Variants in ZNF407 observed in about 807,000 individuals in gnomAD.
ZNF407 encodes the protein zinc finger protein 407.
Under a neutral mutation model 131.2 loss-of-function variants are expected in ZNF407, and 17 were observed. The ratio of observed to expected loss-of-function variants is 0.13; its 90% confidence interval spans 0.09 to 0.19. The LOEUF (loss-of-function observed/expected upper bound fraction) is 0.19, where lower values mean the gene tolerates loss of function less well. ZNF407 is among the 10% of genes least tolerant of loss of function. The pLI is 1.00. For missense variants in ZNF407, 2,681 were observed against 2,830.6 expected, an observed-to-expected ratio of 0.95 and a Z score of 1.20; for synonymous variants, 1,156 against 1,062.0, an observed-to-expected ratio of 1.09 and a Z score of -1.72.
intron 4 of ZNF407, among the ~76,000 whole-genome samples, chr18:74,817,661 ATC>A (rs1970285963): frequency 1.3e-5 from 2 of 152,204 alleles, no homozygotes; most frequent in Non-Finnish European, 2.9e-5. Context: ...ATAAATGAGT[ATC>A]TATTTTTGCA....
intron 4 of ZNF407, among the ~76,000 whole-genome samples, chr18:74,825,887 A>G (rs1269091404): frequency 2.0e-5 from 3 of 152,342 alleles, no homozygotes; most frequent in East Asian, 3.9e-4. Context: ...TGTCACAGGA[A>G]CCCAGTATGG....
rs781679032 is a variant in ZNF407, at chr18:74,626,576, C to T, written c.-53-4391C>T. ...CAGTTCCGTTCATTTGGTAGGTGCT[C>T]AGTACATATTTGTTGAACTAAGAAT... On this transcript the variant is annotated intron_variant, in intron 1 of 8. Transcript: ENST00000299687. Among the ~76,000 whole-genome samples the T allele has an allele frequency of 5.9e-5, 9 of 152,200 alleles. No individual in the cohort carries two copies. The South Asian group carries it at 1.9e-3, about 32-fold the overall frequency.
intron 3 of ZNF407, among the ~76,000 whole-genome samples, chr18:74,665,474 A>C (rs1425574979): frequency 6.6e-6 from 1 of 152,154 alleles, no homozygotes; most frequent in Non-Finnish European, 1.5e-5. Flanking sequence ...GTCCCATACA[A>C]TACTTTGGAT....
intron 3 of ZNF407, among the ~76,000 whole-genome samples, chr18:74,711,448 A>C (rs1236075850): frequency 6.6e-6 from 1 of 152,214 alleles, no homozygotes; most frequent in Non-Finnish European, 1.5e-5. Flanking sequence ...CAATGTGAGA[A>C]GGACTTGATT....
intron 4 of ZNF407, among the ~76,000 whole-genome samples, chr18:74,817,646 T>C: frequency 6.6e-6 from 1 of 152,244 alleles, no homozygotes; most frequent in East Asian, 1.9e-4. Flanking sequence ...GATATTTGTT[T>C]TTCAATAAAT....
rs115156755 is a variant in ZNF407 at position 74,648,528 on chromosome 18, A to G, written c.4802+7406A>G. On this transcript the variant is annotated intron_variant, in intron 3 of 8. Coordinates refer to ENST00000299687, the MANE Select transcript of ZNF407 (RefSeq NM_017757.3). ...GTAGGCAGTGAAGAGAGAAGTGGAA[A>G]GCCTGGTGGGAAGTGAGTTACCGCT... 6.4e-3 allele frequency among the ~76,000 whole-genome samples: 974 copies of G among 152,306 alleles called. 12 individuals carry two copies. Among genetic ancestry groups the G allele is most frequent in the African/African-American group, 0.022 (915 of 41,550 alleles).
rs1156281963 is a variant in ZNF407, at chr18:74,633,428, G to A, written c.2409G>A (p.Val803=). Residue 803 remains valine (V), a synonymous_variant, in exon 2 of 9, where the codon GTG becomes GTA. Coordinates refer to ENST00000299687, the MANE Select transcript of ZNF407 (RefSeq NM_017757.3). The part of the protein sequence containing the change: ...GNGRIEGHIG[V]QLQEHSYLEK... Reference sequence around the variant, plus strand: ...GAAGGATTGAAGGCCATATAGGTGTGCAATTACAAGAGCATTCCTATCTTG... The same window carrying A: ...GAAGGATTGAAGGCCATATAGGTGTACAATTACAAGAGCATTCCTATCTTG... The A allele has an allele frequency of 1.2e-6, 2 of 1,613,896 alleles. No homozygotes were observed. The highest frequency in any genetic ancestry group is 1.3e-5 in the African/African-American group (1 of 74,918).
intron 8 of ZNF407, among the ~76,000 whole-genome samples, chr18:74,987,350 A>G (rs577774308): frequency 6.6e-6 from 1 of 152,258 alleles, no homozygotes; most frequent in South Asian, 2.1e-4. Context: ...ATATGTAGAG[A>G]ATGGTGCAAT....
At chr18:74,615,131 A>G (rs1983230678) in intron 1 of ZNF407, among the ~76,000 whole-genome samples, 1 of 152,248 alleles carries the variant, frequency 6.6e-6, no homozygotes, top group Non-Finnish European at 1.5e-5. Context: ...TCAAGGTGGA[A>G]GGAGCCAGGA....
chr18:75,041,485 T>C (rs560277692), intron 8 of ZNF407, among the ~76,000 whole-genome samples: 4 of 148,400 alleles, frequency 2.7e-5, no homozygotes, highest in Non-Finnish European at 6.0e-5. Flanking sequence ...ACACACAGAA[T>C]CCATCTAAAC....
At chr18:74,677,837 T>C (rs1473006927) in intron 3 of ZNF407, among the ~76,000 whole-genome samples, 2 of 152,180 alleles carry the variant, frequency 1.3e-5, no homozygotes, top group Non-Finnish European at 2.9e-5. Flanking sequence ...CATTTATTTA[T>C]TCGAGACGGA....
intron 8 of ZNF407, among the ~76,000 whole-genome samples, chr18:75,019,366 G>A (rs571036517): frequency 1.4e-3 from 206 of 152,282 alleles, no homozygotes; most frequent in African/African-American, 4.8e-3. Flanking sequence ...CTGGCAGTGC[G>A]ACTTGAAAGT....
At chr18:74,735,031 A>G (rs1008688776) in intron 3 of ZNF407, among the ~76,000 whole-genome samples, 4 of 152,198 alleles carry the variant, frequency 2.6e-5, no homozygotes, top group Non-Finnish European at 5.9e-5. Context: ...GTGAAAGAAC[A>G]TTGGTTGAAA....
intron 7 of ZNF407, among the ~76,000 whole-genome samples, chr18:74,900,828 C>T (rs1181517237): frequency 2.0e-5 from 3 of 152,174 alleles, no homozygotes; most frequent in Non-Finnish European, 4.4e-5. Flanking sequence ...TTACATTTTA[C>T]CAAGCATGAA....
At chr18:74,762,654 G>A (rs1356215392) in intron 3 of ZNF407, among the ~76,000 whole-genome samples, 1 of 150,842 alleles carries the variant, frequency 6.6e-6, no homozygotes, top group African/African-American at 2.4e-5. Context: ...CATTTTTAGA[G>A]TTCTTTGTGA....
At chr18:74,644,619 G>A (rs1181088458) in intron 3 of ZNF407, among the ~76,000 whole-genome samples, 1 of 151,894 alleles carries the variant, frequency 6.6e-6, no homozygotes, top group Non-Finnish European at 1.5e-5. Flanking sequence ...GCAGTGCATT[G>A]TGGTCTAATA....
intron 7 of ZNF407, among the ~76,000 whole-genome samples, chr18:74,910,556 T>C (rs924303115): frequency 2.2e-4 from 33 of 152,170 alleles, no homozygotes; most frequent in African/African-American, 6.0e-4. Flanking sequence ...TTAAAGCAGT[T>C]ATGTGTAATC....
chr18:75,012,968 G>A (rs866712752), intron 8 of ZNF407, among the ~76,000 whole-genome samples: 3 of 149,446 alleles, frequency 2.0e-5, no homozygotes, highest in Non-Finnish European at 3.0e-5. Flanking sequence ...AAAAAAAAAG[G>A]GTTTGTAGGA....
At chr18:74,764,213 G>A (rs905600556) in intron 3 of ZNF407, among the ~76,000 whole-genome samples, 1 of 151,732 alleles carries the variant, frequency 6.6e-6, no homozygotes, top group African/African-American at 2.4e-5. Flanking sequence ...TTGTATTTTT[G>A]GACATTCCAA....
Sources: allele counts gnomAD v4.1 joint callset (sites outside exome capture counted in the v4.1 genomes callset), GRCh38; gene constraint gnomAD v4.1.1; transcripts MANE v1.5; gene names NCBI Gene and HGNC (gene_info 2026-07-23, HGNC 2026-07-21).